ZC3H18: variants seen among roughly 807,000 people sequenced by gnomAD.
The protein encoded by ZC3H18 is zinc finger CCCH-type containing 18, also known as zinc finger CCCH domain-containing protein 18.
ZC3H18 carries 8 observed loss-of-function variants against 106.1 expected under a neutral mutation model. The observed-to-expected ratio is 0.08, with a 90% CI of 0.04 to 0.14. The LOEUF (loss-of-function observed/expected upper bound fraction) is 0.14. Among genes scored for constraint, ZC3H18 ranks in the 10% least tolerant of loss-of-function variants. ZC3H18 has a pLI of 1.00. For synonymous variants in ZC3H18, 635 were observed against 522.1 expected, an observed-to-expected ratio of 1.22 and a Z score of -2.95; for missense variants, 1,318 against 1,278.4, an observed-to-expected ratio of 1.03 and a Z score of -0.47.
chr16:88,609,666 C>G (rs1268311953), intron 7 of ZC3H18, among the ~76,000 whole-genome samples: 1 of 152,112 alleles, frequency 6.6e-6, no homozygotes, highest in Non-Finnish European at 1.5e-5. Flanking sequence ...GTGGCGTGAT[C>G]TCACCTCACT....
intron 16 of ZC3H18, 139 bp from the exon 17 acceptor site, chr16:88,630,346 T>C (rs1906583882): frequency 1.6e-6 from 1 of 638,646 alleles, no homozygotes; most frequent in East Asian, 2.9e-5. Flanking sequence ...CTCTCCCCTT[T>C]TTATTTCTTT....
chr16:88,575,942 C>T (rs1403672141), intron 1 of ZC3H18, among the ~76,000 whole-genome samples: 2 of 152,196 alleles, frequency 1.3e-5, no homozygotes, highest in African/African-American at 2.4e-5. Flanking sequence ...ACTCTGTCGC[C>T]CAGGCTGGAG....
chr16:88,575,823 C>G (rs372043514), intron 1 of ZC3H18, among the ~76,000 whole-genome samples: 9 of 152,014 alleles, frequency 5.9e-5, no homozygotes, highest in African/African-American at 1.9e-4. Context: ...AAGCGATCCT[C>G]CTGCGTCAGA....
chr16:88,601,026 G>A (rs751049448), intron 6 of ZC3H18, among the ~76,000 whole-genome samples: 2 of 152,250 alleles, frequency 1.3e-5, no homozygotes, highest in African/African-American at 4.8e-5. Context: ...TTGCACTCCA[G>A]GATTTGGTCC....
chr16:88,628,457 C>G (rs2279259), intron 15 of ZC3H18, among the ~76,000 whole-genome samples: 37,081 of 152,144 alleles, frequency 0.24, 4,871 homozygotes, highest in East Asian at 0.37. Context: ...TCCCTGTCCT[C>G]TGCTGGAAGG....
intron 7 of ZC3H18, among the ~76,000 whole-genome samples, chr16:88,609,818 C>G (rs550097924): frequency 6.6e-6 from 1 of 152,222 alleles, no homozygotes; most frequent in Admixed American, 6.5e-5. Flanking sequence ...TCAGGCTGGT[C>G]TCAAACTTCC....
In ZC3H18 at chr16:88,577,280, A is replaced by G. The variant is rs1379534665; in HGVS notation, c.157A>G (p.Ser53Gly). ...GGCTTCTGATCTGGAGGATGAGGAA[A>G]GTGCAGCCAGGGGGCCGAGCCAGGA... is the stretch of plus-strand genomic sequence containing the variant. ...VRASDLEDEE[S>G]AARGPSQEEE... is the part of the protein sequence containing the mutation. Residue 53 changes from serine to glycine, a missense_variant, in exon 2 of 18, where the codon AGT becomes GGT. By Grantham distance (56) the Ser-to-Gly change is moderately conservative. This residue lies in a region of ZC3H18 where 346 missense variants were observed against 269.0 expected (regional missense o/e 1.29). Transcript: ENST00000301011. 2 of 1,613,160 alleles carry G rather than the reference A, an allele frequency of 1.2e-6. No individual in the cohort carries two copies.
chr16:88,601,145 C>G (rs919093822), intron 6 of ZC3H18, among the ~76,000 whole-genome samples: 4 of 152,260 alleles, frequency 2.6e-5, no homozygotes, highest in Non-Finnish European at 5.9e-5. Flanking sequence ...TGGCCCACAC[C>G]TGCCCCAGCA....
At chr16:88,575,684 A>T (rs550361660) in intron 1 of ZC3H18, among the ~76,000 whole-genome samples, 1 of 152,128 alleles carries the variant, frequency 6.6e-6, no homozygotes, top group African/African-American at 2.4e-5. Flanking sequence ...AAAAATAGGA[A>T]TGAAGTCTGA....
At chr16:88,599,484 C>T (rs1270317776) in intron 5 of ZC3H18, among the ~76,000 whole-genome samples, 1 of 152,190 alleles carries the variant, frequency 6.6e-6, no homozygotes, top group Non-Finnish European at 1.5e-5. Context: ...CCAGCCACTC[C>T]ACCTGCTGCT....
chr16:88,607,077 C>T (rs79012083), intron 6 of ZC3H18, among the ~76,000 whole-genome samples: 3,364 of 152,270 alleles, frequency 0.022, 114 homozygotes, highest in African/African-American at 0.07. Context: ...AGAGCAGGCC[C>T]CCCCCAACCC....
At chr16:88,607,790 A>G (rs1905084429) in intron 6 of ZC3H18, among the ~76,000 whole-genome samples, 1 of 148,774 alleles carries the variant, frequency 6.7e-6, no homozygotes, top group Admixed American at 6.7e-5. Context: ...GCATCTCCCC[A>G]TTCACATGCT....
At chr16:88,578,163 A>C (rs1914880648) in intron 2 of ZC3H18, among the ~76,000 whole-genome samples, 1 of 152,190 alleles carries the variant, frequency 6.6e-6, no homozygotes, top group South Asian at 2.1e-4. Context: ...GAAATTTTCC[A>C]TCTGGTTTTG....
At chr16:88,625,301 C>T in intron 13 of ZC3H18, 34 bp downstream of exon 13, 2 of 1,562,416 alleles carry the variant, frequency 1.3e-6, no homozygotes, top group East Asian at 2.4e-5. Context: ...CTGTTTCTCC[C>T]TCCCCGTCGG....
chr16:88,609,541 A>T (rs933878380), intron 7 of ZC3H18, among the ~76,000 whole-genome samples: 1 of 151,728 alleles, frequency 6.6e-6, no homozygotes, highest in Non-Finnish European at 1.5e-5. Flanking sequence ...AGCTCAAGCA[A>T]TCCGCCTGCT....
At position 88,624,045 on chromosome 16, in the gene ZC3H18, G is replaced by A. The variant is rs371633759; in HGVS notation, c.1881G>A (p.Pro627=). 19 of 1,613,806 alleles carry A rather than the reference G, an allele frequency of 1.2e-5. No individual in the cohort carries two copies. The East Asian group carries it at 1.6e-4, about 13-fold the overall frequency. ...PSIRTKGEPA[P]PPGKAGEKSV... is the part of the protein sequence containing the mutation. ...TCAGAACCAAGGGAGAGCCGGCCCC[G>A]CCGCCCGGGAAAGCAGGGTGAGTGC... Residue 627 remains proline, a synonymous_variant, in exon 11 of 18, where the codon CCG becomes CCA. Coordinates refer to ENST00000301011, the MANE Select transcript of ZC3H18 (RefSeq NM_144604.4).
Position 88,624,533 on chromosome 16 carries a change from G to A in ZC3H18, c.1899-69G>A. ...TCGTTCCCCGAGCTGTGGGTCCATT[G>A]AAAGGGGATGTAGGCCAGCGGGGCC... On this transcript the variant is annotated intron_variant, in intron 11 of 17. Transcript: ENST00000301011. The A allele has an allele frequency of 2.5e-6, 4 of 1,609,996 alleles. No individual in the cohort carries two copies. In the South Asian group the frequency reaches 4.4e-5, roughly 18 times the overall value.
chr16:88,582,807 C>T lies in ZC3H18; in HGVS notation c.604-3793C>T, dbSNP rs146835644. On this transcript the variant is annotated intron_variant, in intron 2 of 17. Coordinates refer to ENST00000301011, the MANE Select transcript of ZC3H18 (RefSeq NM_144604.4). ...TTCCTCACCTGGTGGCAGACCTGGC[C>T]CAAGCTGGCGTGAGGCTGCTCATAG... Among the ~76,000 whole-genome samples, 457 of 152,300 alleles carry T rather than the reference C, an allele frequency of 3.0e-3. 2 individuals are homozygous for T. The highest frequency in any genetic ancestry group is 5.7e-3 in the Non-Finnish European group (385 of 68,022).
chr16:88,588,749 A>G (rs1273505889), intron 3 of ZC3H18, among the ~76,000 whole-genome samples: 1 of 152,082 alleles, frequency 6.6e-6, no homozygotes, highest in Non-Finnish European at 1.5e-5. Flanking sequence ...GTTTGGTGGC[A>G]CGCATGTGTA....
Sources: gnomAD v4.1 joint callset for allele counts (sites outside exome capture counted in the v4.1 genomes callset) on GRCh38, gnomAD v4.1.1 for gene constraint, gnomAD v4.1.1 regional missense constraint, MANE v1.5 for transcripts, NCBI Gene and HGNC (gene_info 2026-07-23, HGNC 2026-07-21) for gene names.